PARD3B: variants seen among roughly 807,000 people sequenced by gnomAD.
The protein encoded by PARD3B is partitioning defective 3 homolog B.
Under a neutral mutation model 130.2 loss-of-function variants are expected in PARD3B, and 103 were observed. The ratio of observed to expected loss-of-function variants is 0.79; its 90% CI spans 0.67 to 0.93. The LOEUF (loss-of-function observed/expected upper bound fraction) is 0.93, where lower values mean the gene tolerates loss of function less well. Among genes scored for constraint, PARD3B ranks in the 40% least tolerant of loss-of-function variants. The pLI is 0.00. For synonymous variants in PARD3B, 583 were observed against 553.2 expected, an observed-to-expected ratio of 1.05 and a Z score of -0.76; for missense variants, 1,609 against 1,499.2, an observed-to-expected ratio of 1.07 and a Z score of -1.21.
intron 20 of PARD3B, among the ~76,000 whole-genome samples, chr2:205,467,567 A>G (rs1391627247): frequency 1.3e-5 from 2 of 151,328 alleles, no homozygotes; most frequent in Non-Finnish European, 2.9e-5. Context: ...AGATTTGTTC[A>G]CAATAATTAT....
intron 2 of PARD3B, among the ~76,000 whole-genome samples, chr2:204,740,722 A>G (rs1254794831): frequency 2.0e-5 from 3 of 152,156 alleles, no homozygotes; most frequent in African/African-American, 7.2e-5. Context: ...TAGCCTCCTC[A>G]TGTATCTTGG....
At chr2:205,248,524 G>C (rs1397645474) in intron 16 of PARD3B, among the ~76,000 whole-genome samples, 1 of 151,070 alleles carries the variant, frequency 6.6e-6, no homozygotes, top group African/African-American at 2.4e-5. Context: ...GTCTCAGTCG[G>C]CTACAGGTCA....
chr2:205,527,092 A>G (rs2051371728), intron 21 of PARD3B, among the ~76,000 whole-genome samples: 1 of 152,248 alleles, frequency 6.6e-6, no homozygotes, highest in Non-Finnish European at 1.5e-5. Flanking sequence ...AAGTGTAACT[A>G]TAATGAAAGT....
At chr2:205,039,478 A>C (rs1698243016) in intron 3 of PARD3B, among the ~76,000 whole-genome samples, 1 of 151,728 alleles carries the variant, frequency 6.6e-6, no homozygotes, top group African/African-American at 2.4e-5. Flanking sequence ...TTATTTATTT[A>C]TTTATTTTTG....
chr2:204,897,385 G>GTTTTT (rs56693580), intron 2 of PARD3B, among the ~76,000 whole-genome samples: 3,713 of 127,604 alleles, frequency 0.029, 175 homozygotes, highest in East Asian at 0.1. Flanking sequence ...TGTAGGTACT[G>GTTTTT]TTTTTTTTTT....
intron 2 of PARD3B, among the ~76,000 whole-genome samples, chr2:204,891,224 T>G (rs982419423): frequency 6.6e-6 from 1 of 151,348 alleles, no homozygotes; most frequent in Non-Finnish European, 1.5e-5. Context: ...ATTAAATACC[T>G]ATACATCGGA....
intron 20 of PARD3B, among the ~76,000 whole-genome samples, chr2:205,454,453 A>G (rs898135336): frequency 6.6e-6 from 1 of 152,124 alleles, no homozygotes; most frequent in African/African-American, 2.4e-5. Flanking sequence ...ACGTTTTAAT[A>G]TTTATATGCT....
chr2:204,773,514 C>G (rs1012154709), intron 2 of PARD3B, among the ~76,000 whole-genome samples: 1 of 152,020 alleles, frequency 6.6e-6, no homozygotes, highest in Non-Finnish European at 1.5e-5. Context: ...CCATTCACAT[C>G]TTTTACAAAA....
intron 2 of PARD3B, among the ~76,000 whole-genome samples, chr2:204,831,718 T>C (rs1452084177): frequency 6.6e-6 from 1 of 152,190 alleles, no homozygotes; most frequent in Non-Finnish European, 1.5e-5. Context: ...TTCTTTTGTA[T>C]TAATAGTTCC....
chr2:204,618,399 A>G (rs1451064977), intron 1 of PARD3B, among the ~76,000 whole-genome samples: 2 of 152,100 alleles, frequency 1.3e-5, no homozygotes, highest in Non-Finnish European at 2.9e-5. Flanking sequence ...CATGTATAAA[A>G]TTATATTTTA....
chr2:205,372,303 C>T (rs1026026551), intron 18 of PARD3B, among the ~76,000 whole-genome samples: 2 of 152,206 alleles, frequency 1.3e-5, no homozygotes, highest in African/African-American at 2.4e-5. Flanking sequence ...AATTTATCTA[C>T]ATCCTCACAA....
intron 14 of PARD3B, among the ~76,000 whole-genome samples, chr2:205,186,869 C>A (rs527484950): frequency 1.3e-5 from 2 of 152,266 alleles, no homozygotes; most frequent in Non-Finnish European, 2.9e-5. Context: ...TGCCTCGATT[C>A]TGAATTGAAA....
rs113907333 is a variant in PARD3B, at chr2:205,337,939, A to G, written c.2630+36238A>G. 3.1e-3 allele frequency among the ~76,000 whole-genome samples: 474 copies of G among 152,134 alleles called. 4 individuals carry two copies. Among genetic ancestry groups the G allele is most frequent in the Admixed American group, 6.5e-3 (100 of 15,276 alleles). On this transcript the variant is annotated intron_variant, in intron 18 of 22. Coordinates refer to ENST00000406610, the MANE Select transcript of PARD3B (RefSeq NM_001302769.2). ...CCAAGGCGGGTGGATCACCAGGTCA[A>G]GAGTTCAAGACTAGCCTGGTCAAGG...
Position 205,122,893 on chromosome 2 carries a change from T to C in PARD3B, c.1165+944T>C, listed in dbSNP as rs2030918385. Among the ~76,000 whole-genome samples, 1 of 152,210 alleles carries C rather than the reference T, an allele frequency of 6.6e-6. No homozygotes were observed. The highest frequency in any genetic ancestry group is 2.4e-5 in the African/African-American group (1 of 41,464). On this transcript the variant is annotated intron_variant, in intron 8 of 22. Coordinates refer to ENST00000406610, the MANE Select transcript of PARD3B (RefSeq NM_001302769.2). This position sits in a 1 kb window ranked among gnomAD's most constrained non-coding sequence, Gnocchi z 4.3. ...ATTGACTAGTAGGTACAAAAATACT[T>C]CAGTGTGCTTATCAATCAGGTTTTT... is the stretch of plus-strand genomic sequence containing the variant.
chr2:205,502,571 A>G (rs921105488), intron 21 of PARD3B, among the ~76,000 whole-genome samples: 2 of 152,158 alleles, frequency 1.3e-5, no homozygotes, highest in Non-Finnish European at 2.9e-5. Context: ...AACTCCCCCA[A>G]GTCCAGAGTC....
intron 4 of PARD3B, among the ~76,000 whole-genome samples, chr2:205,098,787 C>T (rs1270999593): frequency 6.6e-6 from 1 of 152,056 alleles, no homozygotes; most frequent in East Asian, 1.9e-4. Flanking sequence ...CTAGTGCTAA[C>T]CAAATGTAAA....
intron 18 of PARD3B, among the ~76,000 whole-genome samples, chr2:205,318,569 A>G (rs2042639246): frequency 1.3e-5 from 2 of 152,226 alleles, no homozygotes; most frequent in African/African-American, 4.8e-5. Context: ...TTTTCAATAC[A>G]GCTTCTTTCC....
intron 18 of PARD3B, among the ~76,000 whole-genome samples, chr2:205,344,931 C>T (rs1214168285): frequency 2.0e-5 from 3 of 152,060 alleles, no homozygotes; most frequent in Non-Finnish European, 2.9e-5. Flanking sequence ...TCTTCCTCCC[C>T]CTTCATAGCA....
At chr2:205,203,633 T>C (rs1434161507) in intron 15 of PARD3B, among the ~76,000 whole-genome samples, 2 of 152,094 alleles carry the variant, frequency 1.3e-5, no homozygotes, top group Non-Finnish European at 2.9e-5. Context: ...CCCTGGTGTG[T>C]GATGTTCCTC....
Sources: allele counts gnomAD v4.1 joint callset (sites outside exome capture counted in the v4.1 genomes callset), GRCh38; gene constraint gnomAD v4.1.1; non-coding constraint Gnocchi (gnomAD v3.1); transcripts MANE v1.5; gene names NCBI Gene and HGNC (gene_info 2026-07-23, HGNC 2026-07-21).